Variants in STK3 observed in about 807,000 individuals in gnomAD.
The protein encoded by STK3 is serine/threonine kinase 3, also known as serine/threonine-protein kinase 3.
In STK3, 41 loss-of-function variants were observed where a neutral mutation model predicts 58.0. The ratio of observed to expected loss-of-function variants is 0.71; its 90% confidence interval spans 0.55 to 0.92. The LOEUF is 0.92. Among genes scored for constraint, STK3 ranks in the 40% least tolerant of loss-of-function variants. STK3 has a pLI of 0.00. For synonymous variants in STK3, 170 were observed against 191.0 expected (o/e 0.89, Z 0.91); for missense variants, 479 against 602.7 (o/e 0.79, Z 2.15).
At chr8:98,707,741 G>A (rs1033007780) in intron 4 of STK3, among the ~76,000 whole-genome samples, 2 of 151,856 alleles carry the variant, frequency 1.3e-5, no homozygotes, top group Non-Finnish European at 2.9e-5. Flanking sequence ...AAACCTCCAG[G>A]AAAATGCTAA....
chr8:98,844,640 A>G (rs576972225), intron 3 of STK3, among the ~76,000 whole-genome samples: 7 of 151,768 alleles, frequency 4.6e-5, no homozygotes, highest in Admixed American at 1.3e-4. Context: ...TAATTTTTGT[A>G]CTTTTTGTAG....
At chr8:98,706,232 T>C (rs1825952830) in intron 6 of STK3, among the ~76,000 whole-genome samples, 3 of 152,340 alleles carry the variant, frequency 2.0e-5, no homozygotes, top group South Asian at 4.1e-4. Flanking sequence ...AGTATATTTT[T>C]GGGGGAGGAG....
intron 7 of STK3, among the ~76,000 whole-genome samples, chr8:98,585,688 G>A (rs1368018905): frequency 1.3e-5 from 2 of 151,834 alleles, no homozygotes; most frequent in African/African-American, 2.4e-5. Flanking sequence ...ACCTTGGGCA[G>A]TATGGCCTTT....
intron 3 of STK3, among the ~76,000 whole-genome samples, chr8:98,855,455 C>A (rs1465464237): frequency 6.6e-6 from 1 of 152,056 alleles, no homozygotes; most frequent in African/African-American, 2.4e-5. Flanking sequence ...CACTGGATAG[C>A]CACATGCAAA....
chr8:98,640,586 A>G (rs1819949742), intron 6 of STK3, among the ~76,000 whole-genome samples: 1 of 152,164 alleles, frequency 6.6e-6, no homozygotes, highest in East Asian at 1.9e-4. Flanking sequence ...TCATTGTACC[A>G]ATAAACAACA....
intron 2 of STK3, among the ~76,000 whole-genome samples, chr8:98,435,700 G>A (rs1443843017): frequency 6.6e-6 from 1 of 152,130 alleles, no homozygotes; most frequent in Admixed American, 6.5e-5. Context: ...TGGCTGGATG[G>A]ATGGTGGTGC....
chr8:98,697,553 T>G (rs948889823), intron 6 of STK3, among the ~76,000 whole-genome samples: 1 of 152,204 alleles, frequency 6.6e-6, no homozygotes, highest in Non-Finnish European at 1.5e-5. Flanking sequence ...TTCTTGTATA[T>G]TGTGTCTTTG....
At chr8:98,641,365 T>C (rs1279560337) in intron 6 of STK3, among the ~76,000 whole-genome samples, 3 of 152,104 alleles carry the variant, frequency 2.0e-5, no homozygotes. Context: ...CTGGTGGAAT[T>C]TACCTATTAA....
At chr8:98,595,641 C>T (rs760408727) in intron 7 of STK3, 2 of 154,152 alleles carry the variant, frequency 1.3e-5, no homozygotes, top group African/African-American at 2.4e-5. Flanking sequence ...TGAAGCTCTT[C>T]ATTTAGATAA....
intron 2 of STK3, among the ~76,000 whole-genome samples, chr8:98,375,066 C>T (rs1045345206): frequency 6.9e-6 from 1 of 143,898 alleles, no homozygotes; most frequent in Non-Finnish European, 1.5e-5. Context: ...ATAGTGAGAC[C>T]CTGTGTCTAC....
intron 10 of STK3, among the ~76,000 whole-genome samples, chr8:98,503,616 G>A (rs968840624): frequency 1.3e-5 from 2 of 152,088 alleles, no homozygotes; most frequent in Non-Finnish European, 1.5e-5. Context: ...TGTTCTCATT[G>A]GTTTCAAAGA....
At chr8:98,695,218 T>G (rs1019728977) in intron 6 of STK3, among the ~76,000 whole-genome samples, 7 of 152,210 alleles carry the variant, frequency 4.6e-5, no homozygotes, top group Admixed American at 4.6e-4. Context: ...GTAAATTTGT[T>G]TGAGTTCATT....
intron 6 of STK3, among the ~76,000 whole-genome samples, chr8:98,613,176 C>CT (rs1817335080): frequency 6.6e-6 from 1 of 152,194 alleles, no homozygotes; most frequent in Non-Finnish European, 1.5e-5. Context: ...GGAATCTGGA[C>CT]TTCAACAAAC....
At chr8:98,655,641 A>G (rs1821426949) in intron 6 of STK3, among the ~76,000 whole-genome samples, 1 of 151,738 alleles carries the variant, frequency 6.6e-6, no homozygotes, top group Non-Finnish European at 1.5e-5. Context: ...ATTTACAAGA[A>G]AAAAACAAAC....
chr8:98,899,402 T>C (rs942568732), intron 1 of STK3, among the ~76,000 whole-genome samples: 1 of 152,188 alleles, frequency 6.6e-6, no homozygotes, highest in African/African-American at 2.4e-5. Flanking sequence ...AGATCAAAAA[T>C]ATCTGGAAAA....
intron 3 of STK3, among the ~76,000 whole-genome samples, chr8:98,417,380 G>A (rs1010949985): frequency 6.6e-6 from 1 of 152,100 alleles, no homozygotes; most frequent in African/African-American, 2.4e-5. Flanking sequence ...TAGGAGTGTT[G>A]GCGCCCACCT....
At chr8:98,475,428 C>T (rs1347647559) in intron 10 of STK3, among the ~76,000 whole-genome samples, 1 of 152,128 alleles carries the variant, frequency 6.6e-6, no homozygotes, top group African/African-American at 2.4e-5. Flanking sequence ...TTCTCAAGCA[C>T]CAGGAAAACA....
At chr8:98,712,572 A>T (rs2131118777) in intron 4 of STK3, among the ~76,000 whole-genome samples, 1 of 151,952 alleles carries the variant, frequency 6.6e-6, no homozygotes, top group East Asian at 1.9e-4. Context: ...TCAATTCAAC[A>T]AGAAGAGCTA....
intron 1 of STK3, among the ~76,000 whole-genome samples, chr8:98,811,578 T>C (rs1157746568): frequency 2.0e-5 from 3 of 150,686 alleles, no homozygotes; most frequent in Admixed American, 2.0e-4. Context: ...ACCCTAGCAG[T>C]TTCATCTTGA....
Sources: gnomAD v4.1 joint callset for allele counts (sites outside exome capture counted in the v4.1 genomes callset) on GRCh38, gnomAD v4.1.1 for gene constraint, MANE v1.5 for transcripts, NCBI Gene and HGNC (gene_info 2026-07-23, HGNC 2026-07-21) for gene names.